OSTF1: variants seen among roughly 807,000 people sequenced by gnomAD.
OSTF1 encodes osteoclast stimulating factor 1.
Under a neutral mutation model 37.2 loss-of-function variants are expected in OSTF1, and 27 were observed. The ratio of observed to expected loss-of-function variants is 0.73; its 90% CI spans 0.54 to 1.00. The LOEUF is 1.00. Ranked by LOEUF, OSTF1 falls within the 50% of genes least tolerant of loss-of-function variation. The pLI, the probability that OSTF1 is intolerant of heterozygous loss-of-function variation, is 0.00. For missense variants in OSTF1, 232 were observed against 253.8 expected, an observed-to-expected ratio of 0.91 and a Z score of 0.58; for synonymous variants, 82 against 89.2, an observed-to-expected ratio of 0.92 and a Z score of 0.46.
intron 1 of OSTF1, among the ~76,000 whole-genome samples, chr9:75,094,662 A>T (rs1326598490): frequency 7.1e-6 from 1 of 141,726 alleles, no homozygotes; most frequent in Admixed American, 7.3e-5. Flanking sequence ...GAAAGACTAC[A>T]TTAAAAAAAA....
intron 2 of OSTF1, among the ~76,000 whole-genome samples, chr9:75,121,801 C>T (rs1020622677): frequency 6.6e-6 from 1 of 152,150 alleles, no homozygotes; most frequent in African/African-American, 2.4e-5. Context: ...GACCTGGCCT[C>T]CTCGAAATCA....
At position 75,128,414 on chromosome 9, in the gene OSTF1, C is replaced by CAT. The variant is rs1326846136; in HGVS notation, c.132+808_132+809dup. Among the ~76,000 whole-genome samples the CAT allele has an allele frequency of 6.1e-4, 7 of 11,404 alleles. 2 individuals are homozygous for CAT. The highest frequency in any genetic ancestry group is 2.3e-3 in the African/African-American group (7 of 3,082). The allele number at this position is 11,404 out of a possible 152,430, so 7.5% of individuals were successfully genotyped here. A position where few individuals can be genotyped will look rare whatever the true frequency, so the allele number is the denominator to read the frequency against. ...TATATATATATATATATATTTTGTCCATATATATATATATTTTGTCCATAT... is the reference window on the plus strand; with the variant it reads ...TATATATATATATATATATTTTGTCCATATATATATATATATTTTGTCCATAT... On this transcript the variant is annotated intron_variant, in intron 3 of 9. Coordinates refer to ENST00000346234, the MANE Select transcript of OSTF1 (RefSeq NM_012383.5).
intron 1 of OSTF1, among the ~76,000 whole-genome samples, chr9:75,103,431 A>G (rs1030110911): frequency 1.5e-4 from 23 of 152,166 alleles, no homozygotes; most frequent in African/African-American, 5.5e-4. Flanking sequence ...AATAAGTATG[A>G]CTCATAGTTC....
intron 2 of OSTF1, among the ~76,000 whole-genome samples, chr9:75,123,370 G>A (rs921485576): frequency 6.6e-6 from 1 of 152,194 alleles, no homozygotes; most frequent in African/African-American, 2.4e-5. Flanking sequence ...CCTGCAGAGA[G>A]CCGAGATCGT....
At chr9:75,130,727 G>A in intron 4 of OSTF1, 86 bp downstream of exon 4, 1 of 838,596 alleles carries the variant, frequency 1.2e-6, no homozygotes, top group Non-Finnish European at 2.1e-6. Context: ...TACTGTGGCT[G>A]AGAAAGCAAT....
intron 9 of OSTF1, among the ~76,000 whole-genome samples, chr9:75,141,707 C>T (rs1825947432): frequency 1.3e-5 from 2 of 152,136 alleles, no homozygotes; most frequent in African/African-American, 4.8e-5. Context: ...GGACTTTATT[C>T]ATAGTATTAT....
chr9:75,109,404 G>A (rs1276467011), intron 1 of OSTF1, among the ~76,000 whole-genome samples: 1 of 152,242 alleles, frequency 6.6e-6, no homozygotes, highest in East Asian at 1.9e-4. Context: ...TGGTCATTTG[G>A]CATTAGGCCA....
At chr9:75,091,198 C>T (rs1312846074) in intron 1 of OSTF1, among the ~76,000 whole-genome samples, 1 of 151,122 alleles carries the variant, frequency 6.6e-6, no homozygotes, top group African/African-American at 2.4e-5. Flanking sequence ...CAATTCTCTG[C>T]CTCAGCCTCC....
At chr9:75,142,275 A>G (rs1439826488) in intron 9 of OSTF1, among the ~76,000 whole-genome samples, 1 of 152,130 alleles carries the variant, frequency 6.6e-6, no homozygotes, top group South Asian at 2.1e-4. Flanking sequence ...CCCCAGCTAC[A>G]TTATGATTGA....
chr9:75,098,660 A>AT (rs1825132267), intron 1 of OSTF1, among the ~76,000 whole-genome samples: 1 of 152,158 alleles, frequency 6.6e-6, no homozygotes, highest in South Asian at 2.1e-4. Context: ...ATTCTACTAG[A>AT]TTTTAGAAAT....
chr9:75,093,054 T>C (rs63184660), intron 1 of OSTF1, among the ~76,000 whole-genome samples: 204 of 68,240 alleles, frequency 3.0e-3, no homozygotes, highest in African/African-American at 0.011. Flanking sequence ...CTCTCTCTCT[T>C]TCTTTCTTTC....
intron 3 of OSTF1, among the ~76,000 whole-genome samples, chr9:75,129,966 T>A (rs1159692512): frequency 2.0e-5 from 3 of 152,170 alleles, no homozygotes; most frequent in Non-Finnish European, 4.4e-5. Context: ...CTTTCAGAGA[T>A]ACGTACTGAA....
At chr9:75,100,544 A>C (rs1825172238) in intron 1 of OSTF1, among the ~76,000 whole-genome samples, 3 of 152,166 alleles carry the variant, frequency 2.0e-5, no homozygotes, top group African/African-American at 7.2e-5. Flanking sequence ...AGCCTGGCCA[A>C]CATGGCGAAA....
intron 1 of OSTF1, among the ~76,000 whole-genome samples, chr9:75,098,993 A>G (rs1825139116): frequency 6.6e-6 from 1 of 151,804 alleles, no homozygotes; most frequent in South Asian, 2.1e-4. Context: ...CTGGAGTGCA[A>G]TGGCACGATC....
chr9:75,106,954 GA>G (rs751246991), intron 1 of OSTF1, among the ~76,000 whole-genome samples: 10 of 109,820 alleles, frequency 9.1e-5, no homozygotes, highest in Middle Eastern at 6.9e-3. Context: ...CTCTGTCTCG[GA>G]AAAAAAAAAG....
At position 75,131,793 on chromosome 9, in the gene OSTF1, G is replaced by T. The variant is rs746959209; in HGVS notation, c.220G>T (p.Asp74Tyr). ...AGTGGCTGAGCAGGCAGAATCCATT[G>T]ACAATCCATTGCATGAAGCAGCAAA... Reference protein sequence around the residue: ...NYVAEQAESIDNPLHEAAKRG... With the variant: ...NYVAEQAESIYNPLHEAAKRG... Residue 74 changes from aspartate (D) to tyrosine (Y), a missense_variant, in exon 5 of 10, where the codon GAC becomes TAC. By Grantham distance (160) the Asp-to-Tyr change is radical. Coordinates refer to ENST00000346234, the MANE Select transcript of OSTF1 (RefSeq NM_012383.5). 6.2e-7 allele frequency: 1 copy of T among 1,613,640 alleles called. No individual in the cohort carries two copies. Among genetic ancestry groups the T allele is most frequent in the Non-Finnish European group, 8.5e-7 (1 of 1,179,700 alleles).
At chr9:75,107,445 CTT>C (rs920416081) in intron 1 of OSTF1, among the ~76,000 whole-genome samples, 29 of 152,148 alleles carry the variant, frequency 1.9e-4, no homozygotes, top group African/African-American at 7.0e-4. Flanking sequence ...ATGATTCTCT[CTT>C]GATCAAATAA....
rs1232291855 is a variant in OSTF1, at chr9:75,130,660, T to C, written c.196+19T>C. ...AACTATGGTAAGTGTTGCTGAGTGG[T>C]TTTACTTTAGCTTCGTTCACTTGGA... On this transcript the variant is annotated intron_variant, in intron 4 of 9. Coordinates refer to ENST00000346234, the MANE Select transcript of OSTF1 (RefSeq NM_012383.5). 1 of 1,572,994 alleles carries C rather than the reference T, an allele frequency of 6.4e-7. No individual in the cohort carries two copies. The highest frequency in any genetic ancestry group is 1.1e-5 in the South Asian group (1 of 90,226).
chr9:75,104,922 C>A (rs1015104838), intron 1 of OSTF1, among the ~76,000 whole-genome samples: 21 of 152,198 alleles, frequency 1.4e-4, no homozygotes, highest in African/African-American at 5.1e-4. Flanking sequence ...CCTCTCTAAC[C>A]TCAGTTTCCC....
Sources: allele counts gnomAD v4.1 joint callset (sites outside exome capture counted in the v4.1 genomes callset), GRCh38; gene constraint gnomAD v4.1.1; transcripts MANE v1.5; gene names NCBI Gene and HGNC (gene_info 2026-07-23, HGNC 2026-07-21).